MACF1: variants seen among roughly 807,000 people sequenced by gnomAD.
MACF1 encodes microtubule actin crosslinking factor 1.
Under a neutral mutation model 854.8 loss-of-function variants are expected in MACF1, and 193 were observed. The observed-to-expected ratio is 0.23, with a 90% CI of 0.20 to 0.25. The LOEUF is 0.25. Ranked by LOEUF, MACF1 falls within the 10% of genes least tolerant of loss-of-function variation. The pLI is 1.00. For synonymous variants in MACF1, 3,185 were observed against 3,226.7 expected (o/e 0.99, Z 0.44); for missense variants, 7,722 against 8,929.1 (o/e 0.86, Z 5.45).
intron 57 of MACF1, 67 bp from the exon 58 acceptor site, chr1:39,387,120 T>A: frequency 6.5e-7 from 1 of 1,544,528 alleles, no homozygotes; most frequent in Non-Finnish European, 8.8e-7. Context: ...GACCGTATAC[T>A]CTCAGCAAAC....
At chr1:39,245,721 C>T (rs920721707) in intron 2 of MACF1, among the ~76,000 whole-genome samples, 1 of 152,174 alleles carries the variant, frequency 6.6e-6, no homozygotes, top group African/African-American at 2.4e-5. Context: ...GACTGTGTCT[C>T]AATCAATCAA....
chr1:39,413,125 G>A, intron 58 of MACF1: 1 of 1,610,764 alleles, frequency 6.2e-7, no homozygotes, highest in East Asian at 2.2e-5. Context: ...GTTCTCCCCA[G>A]AGTGGGCTGC....
chr1:39,342,553 G>T (rs6675645), intron 40 of MACF1, among the ~76,000 whole-genome samples: 138,765 of 144,850 alleles, frequency 0.96, 66,368 homozygotes, highest in East Asian at 1. Flanking sequence ...TTTTTTTTTT[G>T]TGTGACAGAG....
intron 23 of MACF1, among the ~76,000 whole-genome samples, chr1:39,306,842 G>A (rs1308134579): frequency 6.7e-6 from 1 of 149,168 alleles, no homozygotes; most frequent in Non-Finnish European, 1.5e-5. Flanking sequence ...CCTCTAACTG[G>A]CAAGATACAT....
chr1:39,437,795 C>T lies in MACF1; in HGVS notation c.18007C>T (p.Pro6003Ser), dbSNP rs1403978040. 1.2e-6 allele frequency: 2 copies of T among 1,613,364 alleles called. No individual in the cohort carries two copies. Among genetic ancestry groups the T allele is most frequent in the Admixed American group, 1.7e-5 (1 of 60,014 alleles). Reference protein sequence around the residue: ...QSTQFHDKIEPMLETLENLSS... With the variant: ...QSTQFHDKIESMLETLENLSS... ...TGTTTAGTTTCATGATAAAATTGAG[C>T]CTATGTTGGAGACACTGGAGAATCT... Residue 6003 changes from proline (P) to serine (S), a missense_variant, in exon 71 of 101, where the codon CCT becomes TCT. Pro to Ser is a moderately conservative substitution (Grantham distance 74). Around this residue, in one of 15 missense-constraint regions of MACF1, gnomAD observed 2,807 missense variants for 3,235.8 expected, o/e 0.87. Transcript: ENST00000564288.
chr1:39,229,356 C>CA lies in MACF1; in HGVS notation c.110-1818dup, dbSNP rs1014278132. Among the ~76,000 whole-genome samples the CA allele has an allele frequency of 9.9e-5, 15 of 151,534 alleles. No homozygotes were observed. The East Asian group carries it at 1.7e-3, about 18-fold the overall frequency. On this transcript the variant is annotated intron_variant, in intron 1 of 100. Transcript: ENST00000564288. Reference sequence around the variant, plus strand: ...AGTACTTATTGAATGGCTATAAACTCAAAAAAAATAAATAGATAAATATAT... The same window carrying CA: ...AGTACTTATTGAATGGCTATAAACTCAAAAAAAAATAAATAGATAAATATAT...
intron 38 of MACF1, among the ~76,000 whole-genome samples, chr1:39,339,291 C>T (rs774261244): frequency 5.3e-5 from 8 of 152,074 alleles, no homozygotes; most frequent in Non-Finnish European, 1.2e-4. Flanking sequence ...AAAGCACTGC[C>T]ATTTAAAGGA....
chr1:39,317,502 G>A, intron 29 of MACF1, 95 bp downstream of exon 29: 1 of 1,336,446 alleles, frequency 7.5e-7, no homozygotes, highest in Non-Finnish European at 1.0e-6. Flanking sequence ...ATTTAAAGGT[G>A]GAAATGGATA....
chr1:39,364,788 G>A (rs938877204), intron 49 of MACF1, among the ~76,000 whole-genome samples: 8 of 152,094 alleles, frequency 5.3e-5, no homozygotes, highest in African/African-American at 1.7e-4. Flanking sequence ...CACCGCGCCC[G>A]GCCGTAAATG....
At position 39,280,393 on chromosome 1, in the gene MACF1, C is replaced by T. The variant is rs374168241; in HGVS notation, c.529-1815C>T. 3.6e-4 allele frequency among the ~76,000 whole-genome samples: 55 copies of T among 152,224 alleles called. 2 individuals are homozygous for T. In the East Asian group the frequency reaches 9.3e-3, roughly 26 times the overall value. Reference sequence around the variant, plus strand: ...TTGGAAGTTATTTCGTTCACAGCATCTTAGTTTCTGCTTGACACGTCCAGT... The same window carrying T: ...TTGGAAGTTATTTCGTTCACAGCATTTTAGTTTCTGCTTGACACGTCCAGT... On this transcript the variant is annotated intron_variant, in intron 6 of 100. Coordinates refer to ENST00000564288, the MANE Select transcript of MACF1 (RefSeq NM_001394062.1).
intron 88 of MACF1, 21 bp from the exon 89 acceptor site, chr1:39,454,888 G>T: frequency 6.3e-7 from 1 of 1,599,958 alleles, no homozygotes. Flanking sequence ...AAGAGGCCAT[G>T]GTTTCCTTCT....
chr1:39,113,323 T>G (rs902335622), intron 2 of MACF1, among the ~76,000 whole-genome samples: 9 of 152,018 alleles, frequency 5.9e-5, no homozygotes, highest in African/African-American at 2.4e-5. Flanking sequence ...GAAAAAAAAA[T>G]CACTTCCTAT....
intron 7 of MACF1, 118 bp downstream of exon 7, chr1:39,282,492 C>A: frequency 8.4e-7 from 1 of 1,189,128 alleles, no homozygotes; most frequent in Non-Finnish European, 1.1e-6. Flanking sequence ...TTCATTTGTT[C>A]ATTTGAAAAA....
At chr1:39,346,627 C>T (rs1364274080) in intron 40 of MACF1, among the ~76,000 whole-genome samples, 4 of 150,880 alleles carry the variant, frequency 2.7e-5, no homozygotes, top group Admixed American at 2.0e-4. Flanking sequence ...TCACGCCATT[C>T]TCCTGCCTCA....
chr1:39,402,424 A>G (rs955361111), intron 58 of MACF1, among the ~76,000 whole-genome samples: 1 of 152,134 alleles, frequency 6.6e-6, no homozygotes, highest in African/African-American at 2.4e-5. Flanking sequence ...TGCTTTCCTT[A>G]GTGCCTGGGA....
Position 39,318,541 on chromosome 1 carries a change from G to A in MACF1, c.3871G>A (p.Ala1291Thr), listed in dbSNP as rs1646456039. 6.2e-7 allele frequency: 1 copy of A among 1,613,990 alleles called. No individual in the cohort carries two copies. Among genetic ancestry groups the A allele is most frequent in the Non-Finnish European group, 8.5e-7 (1 of 1,179,956 alleles). The change falls in exon 30 of 101, where the codon GCC becomes ACC. Residue 1291 changes from alanine (A) to threonine (T), a missense_variant. This residue lies in a region of MACF1 where 1,137 missense variants were observed against 1,263.0 expected (regional missense o/e 0.90). Transcript: ENST00000564288. The stretch of plus-strand genomic sequence containing the variant: ...CATCAAGTGGATTGAGGAAACCACT[G>A]CCCAGCAGGAAATGATGAAGCCAGG... ...TLIKWIEETT[A>T]QQEMMKPGQA...
At chr1:39,378,584 G>T in intron 53 of MACF1, 61 bp downstream of exon 53, 1 of 1,485,100 alleles carries the variant, frequency 6.7e-7, no homozygotes, top group Non-Finnish European at 9.4e-7. Context: ...GTCTATGTTT[G>T]CATCTGTGTA....
At chr1:39,263,771 C>CTTTTTTTTTTTTTT (rs11453750) in intron 6 of MACF1, among the ~76,000 whole-genome samples, 72 of 100,212 alleles carry the variant, frequency 7.2e-4, no homozygotes, top group Middle Eastern at 0.02. Context: ...TTTCTTTTTT[C>CTTTTTTTTTTTTTT]TTTTTTTTTT....
Position 39,461,885 on chromosome 1 carries a change from T to A in MACF1, c.21526T>A (p.Phe7176Ile). Residue 7176 changes from phenylalanine to isoleucine, a missense_variant and splice_region_variant, in exon 93 of 101, where the codon TTC becomes ATC. By Grantham distance (21) the Phe-to-Ile change is conservative (BLOSUM62 0). Coordinates refer to ENST00000564288, the MANE Select transcript of MACF1 (RefSeq NM_001394062.1). ...AAAATATGATTCCTTTTCTCCAGAG[T>A]TCCCCACCACCAAGTTAGAGATGAC... is the stretch of plus-strand genomic sequence containing the variant. ...EFIDGILASKFPTTKLEMTAV... is the reference protein window; with the variant it reads ...EFIDGILASKIPTTKLEMTAV... The A allele has an allele frequency of 6.2e-7, 1 of 1,612,296 alleles. No individual in the cohort carries two copies. Among genetic ancestry groups the A allele is most frequent in the Non-Finnish European group, 8.5e-7 (1 of 1,179,250 alleles).
Sources: gnomAD v4.1 joint callset for allele counts (sites outside exome capture counted in the v4.1 genomes callset) on GRCh38, gnomAD v4.1.1 for gene constraint, gnomAD v4.1.1 regional missense constraint, MANE v1.5 for transcripts, NCBI Gene and HGNC (gene_info 2026-07-23, HGNC 2026-07-21) for gene names.